ARHGEF38: variants seen among roughly 807,000 people sequenced by gnomAD.
ARHGEF38 encodes Rho guanine nucleotide exchange factor (GEF) 38.
Under a neutral mutation model 79.9 loss-of-function variants are expected in ARHGEF38, and 79 were observed. That is an observed-to-expected ratio of 0.99 (90% CI 0.82 to 1.19). The LOEUF (loss-of-function observed/expected upper bound fraction) is 1.19. Among genes scored for constraint, ARHGEF38 ranks in the 50% most tolerant of loss-of-function variants. The pLI, the probability that ARHGEF38 is intolerant of heterozygous loss-of-function variation, is 0.00. For synonymous variants in ARHGEF38, 366 were observed against 328.3 expected (o/e 1.11, Z -1.24); for missense variants, 962 against 907.2 (o/e 1.06, Z -0.78).
chr4:105,651,799 C>T lies in ARHGEF38; in HGVS notation c.1009-2266C>T, dbSNP rs552053060. The stretch of plus-strand genomic sequence containing the variant: ...CCTCTCAAGTAGCGCAGACTACAAG[C>T]GTGTGCCACTGCTCCTGGCCGCTCT... On this transcript the variant is annotated intron_variant, in intron 7 of 13. Transcript: ENST00000420470. Among the ~76,000 whole-genome samples the T allele has an allele frequency of 4.6e-5, 7 of 152,290 alleles. No homozygotes were observed. The South Asian group carries it at 8.3e-4, about 18-fold the overall frequency.
rs1560766999 is a variant in ARHGEF38 at position 105,677,931 on chromosome 4, T to C, written c.2328T>C (p.Tyr776=). The change falls in exon 14 of 14, where the codon TAT becomes TAC. Residue 776 remains tyrosine, a synonymous_variant. Transcript: ENST00000420470. ...VPANYLGKMT[Y]A ...CTAACTACCTTGGAAAGATGACTTA[T>C]GCTTAAGAAAATAAGCCTTCAACTT... 2.7e-6 allele frequency: 4 copies of C among 1,503,330 alleles called. No homozygotes were observed. Among genetic ancestry groups the C allele is most frequent in the Non-Finnish European group, 2.7e-6 (3 of 1,125,726 alleles). 93.1% of individuals were successfully genotyped at this position (1,503,330 alleles called of 1,614,324 possible).
intron 1 of ARHGEF38, among the ~76,000 whole-genome samples, chr4:105,561,429 A>AATGGAATG (rs1560684337): frequency 1.4e-3 from 68 of 47,012 alleles, no homozygotes; most frequent in Admixed American, 2.1e-3. Context: ...AGAATGGAAT[A>AATGGAATG]GAATAGAATA....
chr4:105,641,902 G>A (rs554650829), intron 5 of ARHGEF38, among the ~76,000 whole-genome samples: 5 of 152,254 alleles, frequency 3.3e-5, no homozygotes, highest in African/African-American at 1.2e-4. Context: ...AATGAGATTA[G>A]TGTAGCTACT....
chr4:105,649,012 A>G (rs958851583), intron 7 of ARHGEF38, among the ~76,000 whole-genome samples: 2 of 152,118 alleles, frequency 1.3e-5, no homozygotes, highest in African/African-American at 2.4e-5. Context: ...CAACTAGCAC[A>G]TATTCTCCCT....
chr4:105,621,636 G>C (rs909263803), intron 3 of ARHGEF38, among the ~76,000 whole-genome samples: 15 of 152,304 alleles, frequency 9.8e-5, no homozygotes, highest in African/African-American at 3.6e-4. Context: ...TTAGCAGTGA[G>C]TTTGTGAGAA....
intron 5 of ARHGEF38, among the ~76,000 whole-genome samples, chr4:105,644,789 A>G (rs1729768232): frequency 6.6e-6 from 1 of 152,190 alleles, no homozygotes; most frequent in Non-Finnish European, 1.5e-5. Context: ...AGATTTTTAA[A>G]TGGTTATTCT....
At chr4:105,607,991 G>T (rs1728125820) in intron 2 of ARHGEF38, among the ~76,000 whole-genome samples, 3 of 152,192 alleles carry the variant, frequency 2.0e-5, no homozygotes, top group Middle Eastern at 3.4e-3. Context: ...CATAAACTGG[G>T]TAACGTAGGC....
chr4:105,561,469 A>AATGGAATGGAATAGAATG (rs1578253642), intron 1 of ARHGEF38: 1 of 49,660 alleles, frequency 2.0e-5, no homozygotes. Context: ...AGAATAGAAT[A>AATGGAATGGAATAGAATG]GAATAGAATA....
At chr4:105,559,672 A>C (rs1274350386) in intron 1 of ARHGEF38, among the ~76,000 whole-genome samples, 3 of 152,166 alleles carry the variant, frequency 2.0e-5, no homozygotes, top group Admixed American at 6.5e-5. Context: ...AGCTTCATTT[A>C]TAACTTTTAA....
At chr4:105,666,072 A>G (rs1269206157) in intron 10 of ARHGEF38, 105 bp from the exon 11 acceptor site, 4 of 968,494 alleles carry the variant, frequency 4.1e-6, no homozygotes, top group Non-Finnish European at 5.4e-6. Flanking sequence ...TTCACAATGG[A>G]GCTACCATAT....
intron 1 of ARHGEF38, among the ~76,000 whole-genome samples, chr4:105,553,977 TAA>T (rs1473032072): frequency 6.6e-6 from 1 of 152,114 alleles, no homozygotes; most frequent in Non-Finnish European, 1.5e-5. Flanking sequence ...GCAAATTAAT[TAA>T]GTTAAATAAG....
chr4:105,563,370 T>A (rs547826966), intron 1 of ARHGEF38: 40 of 152,346 alleles, frequency 2.6e-4, no homozygotes, highest in African/African-American at 9.1e-4. Context: ...AACAAGGTAA[T>A]AATACTAATT....
chr4:105,552,837 T>C lies in ARHGEF38; in HGVS notation c.72T>C (p.Ser24=), dbSNP rs1318093743. 1.2e-6 allele frequency: 2 copies of C among 1,613,926 alleles called. No homozygotes were observed. Among genetic ancestry groups the C allele is most frequent in the South Asian group, 2.2e-5 (2 of 91,064 alleles). ...AAAAGAATCTGGCCTTCTTGAGGTC[T>C]AGACTCTATATGCTGGAGAGAAGGA... is the stretch of plus-strand genomic sequence containing the variant. The part of the protein sequence containing the change: ...TKKKNLAFLR[S]RLYMLERRKT... The change falls in exon 1 of 14, where the codon TCT becomes TCC. Residue 24 remains serine, a synonymous_variant. Transcript: ENST00000420470.
At chr4:105,578,467 T>C (rs917014967) in intron 1 of ARHGEF38, among the ~76,000 whole-genome samples, 1 of 152,186 alleles carries the variant, frequency 6.6e-6, no homozygotes, top group African/African-American at 2.4e-5. Context: ...TTAAGTCTGT[T>C]GTTTCTTTGT....
At chr4:105,584,980 C>T (rs963630703) in intron 1 of ARHGEF38, among the ~76,000 whole-genome samples, 2 of 152,162 alleles carry the variant, frequency 1.3e-5, no homozygotes, top group African/African-American at 4.8e-5. Context: ...TTCTAAACCC[C>T]AGCTTTGTTC....
chr4:105,675,272 C>T (rs1322716576), intron 13 of ARHGEF38, among the ~76,000 whole-genome samples: 1 of 152,154 alleles, frequency 6.6e-6, no homozygotes, highest in Admixed American at 6.5e-5. Context: ...CACCAATTAG[C>T]TCTATAATTA....
chr4:105,642,716 C>T (rs1729671749), intron 5 of ARHGEF38, among the ~76,000 whole-genome samples: 1 of 152,112 alleles, frequency 6.6e-6, no homozygotes, highest in African/African-American at 2.4e-5. Context: ...GACGGCTGCA[C>T]ATCTGGGTTT....
At chr4:105,587,367 C>T (rs1304548354) in intron 1 of ARHGEF38, among the ~76,000 whole-genome samples, 1 of 152,166 alleles carries the variant, frequency 6.6e-6, no homozygotes, top group African/African-American at 2.4e-5. Flanking sequence ...TAATATAGAT[C>T]AGGATTGGAG....
intron 3 of ARHGEF38, among the ~76,000 whole-genome samples, chr4:105,622,489 G>A (rs561545378): frequency 6.6e-6 from 1 of 152,160 alleles, no homozygotes; most frequent in Non-Finnish European, 1.5e-5. Context: ...CTTAATCCTG[G>A]CTGTCATCAC....
Sources: gnomAD v4.1 joint callset for allele counts (sites outside exome capture counted in the v4.1 genomes callset) on GRCh38, gnomAD v4.1.1 for gene constraint, MANE v1.5 for transcripts, NCBI Gene and HGNC (gene_info 2026-07-23, HGNC 2026-07-21) for gene names.